The following USP12 variants were observed in gnomAD, a reference collection of about 807,000 sequenced individuals.
USP12 encodes the protein ubiquitin carboxyl-terminal hydrolase 12.
Under a neutral mutation model 45.5 loss-of-function variants are expected in USP12, and 19 were observed. That is an observed-to-expected ratio of 0.42 (90% confidence interval 0.29 to 0.61). USP12 has a LOEUF of 0.61. Among genes scored for constraint, USP12 ranks in the 20% least tolerant of loss-of-function variants. The pLI, the probability that USP12 is intolerant of heterozygous loss-of-function variation, is 0.22. For missense variants in USP12, 242 were observed against 447.7 expected (o/e 0.54, Z 4.15); for synonymous variants, 149 against 148.8 (o/e 1.00, Z -0.01).
intron 1 of USP12, among the ~76,000 whole-genome samples, chr13:27,167,471 C>G (rs1344416665): frequency 2.6e-5 from 4 of 152,020 alleles, no homozygotes; most frequent in Admixed American, 6.6e-5. Context: ...GTTCTCTCTC[C>G]ACCAAGCTCA....
intron 2 of USP12, among the ~76,000 whole-genome samples, chr13:27,111,661 G>A (rs1329433578): frequency 2.0e-5 from 3 of 152,016 alleles, no homozygotes; most frequent in East Asian, 1.9e-4. Context: ...CATTTTGAGC[G>A]CACATCCCTT....
chr13:27,089,140 A>C (rs909873207), intron 6 of USP12, among the ~76,000 whole-genome samples: 2 of 152,326 alleles, frequency 1.3e-5, no homozygotes, highest in Middle Eastern at 3.4e-3. Context: ...TGCTAAATGT[A>C]ATGTGGGATT....
intron 6 of USP12, among the ~76,000 whole-genome samples, chr13:27,075,885 C>T (rs1431559923): frequency 6.6e-6 from 1 of 151,924 alleles, no homozygotes; most frequent in Non-Finnish European, 1.5e-5. Flanking sequence ...CAAAAAATAG[C>T]CGGGCATAGT....
intron 1 of USP12, among the ~76,000 whole-genome samples, chr13:27,136,988 A>T (rs1876835475): frequency 6.6e-6 from 1 of 152,214 alleles, no homozygotes; most frequent in African/African-American, 2.4e-5. Context: ...ATATACATTT[A>T]AGTTTTCCCA....
intron 1 of USP12, among the ~76,000 whole-genome samples, chr13:27,144,759 T>TC (rs1181450588): frequency 7.1e-6 from 1 of 141,828 alleles, no homozygotes; most frequent in Non-Finnish European, 1.6e-5. Context: ...TTTTTTTTTT[T>TC]CCCCCAGAAA....
intron 2 of USP12, among the ~76,000 whole-genome samples, chr13:27,114,481 T>A (rs1052750098): frequency 2.0e-5 from 3 of 152,218 alleles, no homozygotes; most frequent in Admixed American, 2.0e-4. Context: ...GTCCTCAAGC[T>A]ACACTAGTAT....
chr13:27,125,941 C>G (rs927278971), intron 1 of USP12, among the ~76,000 whole-genome samples: 24 of 152,224 alleles, frequency 1.6e-4, no homozygotes, highest in Admixed American at 4.6e-4. Context: ...GTAGGTGGTT[C>G]TGTGCTTACA....
At position 27,068,951 on chromosome 13, in the gene USP12, C is replaced by T; in HGVS notation, c.*332G>A. On this transcript the variant is annotated 3_prime_UTR_variant, in exon 9 of 9. Coordinates refer to ENST00000282344, the MANE Select transcript of USP12 (RefSeq NM_182488.4). ...AGATTCCGATTCTTTCTACTGCACC[C>T]CCAAGGAATTCAAAGCATTATTGGT... 3.1e-6 allele frequency: 1 copy of T among 327,030 alleles called. No homozygotes were observed. Among genetic ancestry groups the T allele is most frequent in the Non-Finnish European group, 5.7e-6 (1 of 175,566 alleles). 20.3% of individuals were successfully genotyped at this position (327,030 alleles called of 1,614,324 possible).
intron 1 of USP12, among the ~76,000 whole-genome samples, chr13:27,167,952 T>C (rs1878422501): frequency 6.6e-6 from 1 of 152,166 alleles, no homozygotes; most frequent in African/African-American, 2.4e-5. Flanking sequence ...GTATGTCCTT[T>C]CTAATTTATG....
At chr13:27,126,312 T>A (rs1876236112) in intron 1 of USP12, among the ~76,000 whole-genome samples, 1 of 152,202 alleles carries the variant, frequency 6.6e-6, no homozygotes, top group Non-Finnish European at 1.5e-5. Flanking sequence ...TTCTGCAGCC[T>A]CTGCTGGTGA....
intron 1 of USP12, among the ~76,000 whole-genome samples, chr13:27,125,637 G>C (rs1027016425): frequency 1.3e-5 from 2 of 152,226 alleles, no homozygotes; most frequent in Non-Finnish European, 2.9e-5. Flanking sequence ...GAGGGTGAGC[G>C]GAAGCAGGGT....
At chr13:27,123,261 C>T (rs1876083698) in intron 1 of USP12, among the ~76,000 whole-genome samples, 1 of 152,160 alleles carries the variant, frequency 6.6e-6, no homozygotes, top group Non-Finnish European at 1.5e-5. Flanking sequence ...TGTAACAAAT[C>T]ATTCTTTCCA....
At chr13:27,097,804 T>G (rs1469344732) in intron 3 of USP12, among the ~76,000 whole-genome samples, 1 of 152,186 alleles carries the variant, frequency 6.6e-6, no homozygotes, top group Non-Finnish European at 1.5e-5. Context: ...TATCACTACA[T>G]GTTGAATATC....
intron 1 of USP12, 43 bp from the exon 2 acceptor site, chr13:27,116,639 T>C (rs375158333): frequency 1.3e-6 from 2 of 1,584,272 alleles, no homozygotes; most frequent in Non-Finnish European, 1.7e-6. Context: ...ATAGTAGTCA[T>C]GCACCACATA....
rs555336268 is a variant in USP12 at position 27,121,848 on chromosome 13, G to A, written c.49-5252C>T. Among the ~76,000 whole-genome samples, 166 of 151,780 alleles carry A rather than the reference G, an allele frequency of 1.1e-3. 2 individuals carry two copies. Among genetic ancestry groups the A allele is most frequent in the South Asian group, 4.6e-3 (22 of 4,808 alleles). ...TGCACTCCAGCCTGGGAGACAGAGC[G>A]AGACTCTGTCTCAAAAAAAAAAATT... On this transcript the variant is annotated intron_variant, in intron 1 of 8. Transcript: ENST00000282344.
intron 1 of USP12, among the ~76,000 whole-genome samples, chr13:27,120,277 A>G (rs918995801): frequency 1.3e-5 from 2 of 152,266 alleles, no homozygotes; most frequent in African/African-American, 4.8e-5. Context: ...TTTGAGAAGT[A>G]CGACCCTATC....
At chr13:27,085,255 C>T (rs1270658365) in intron 6 of USP12, among the ~76,000 whole-genome samples, 1 of 151,958 alleles carries the variant, frequency 6.6e-6, no homozygotes, top group African/African-American at 2.4e-5. Flanking sequence ...TCACTGCAAC[C>T]TCTGCCTCCC....
In USP12 at chr13:27,114,983, C is replaced by T. The variant is rs144049396; in HGVS notation, c.129+1533G>A. Among the ~76,000 whole-genome samples, 361 of 152,272 alleles carry T rather than the reference C, an allele frequency of 2.4e-3. 1 individual carries two copies. The highest frequency in any genetic ancestry group is 5.0e-3 in the African/African-American group (208 of 41,560). On this transcript the variant is annotated intron_variant, in intron 2 of 8. Transcript: ENST00000282344. ...CTGCTGCATGGAATTAACCACTCTA[C>T]TAGCTCTGCTGCATCTACTCTGACC...
chr13:27,136,284 G>A (rs1032881616), intron 1 of USP12, among the ~76,000 whole-genome samples: 3 of 152,194 alleles, frequency 2.0e-5, no homozygotes, highest in African/African-American at 4.8e-5. Flanking sequence ...GATCACCTGA[G>A]GTCAGGAATT....
Sources: gnomAD v4.1 joint callset for allele counts (sites outside exome capture counted in the v4.1 genomes callset) on GRCh38, gnomAD v4.1.1 for gene constraint, MANE v1.5 for transcripts, NCBI Gene and HGNC (gene_info 2026-07-23, HGNC 2026-07-21) for gene names.